SLC16A1: variants seen among roughly 807,000 people sequenced by gnomAD.
SLC16A1 encodes the protein monocarboxylate transporter 1.
A neutral mutation model predicts 32.2 loss-of-function variants in SLC16A1; 11 were observed. The ratio of observed to expected loss-of-function variants is 0.34; its 90% confidence interval spans 0.21 to 0.56. The LOEUF (loss-of-function observed/expected upper bound fraction) is 0.56. Ranked by LOEUF, SLC16A1 falls within the 20% of genes least tolerant of loss-of-function variation. The probability of loss-of-function intolerance (pLI) is 0.87; values close to 1 mark genes in which losing one functional copy is unlikely to be tolerated. For missense variants in SLC16A1, 435 were observed against 615.0 expected (o/e 0.71, Z 3.10); for synonymous variants, 231 against 226.8 (o/e 1.02, Z -0.17).
At chr1:112,945,691 A>G (rs1478436096) in intron 1 of SLC16A1, among the ~76,000 whole-genome samples, 1 of 145,742 alleles carries the variant, frequency 6.9e-6, no homozygotes, top group South Asian at 2.2e-4. Context: ...AAAAAAGAAA[A>G]AAAAAAATTA....
Position 112,917,715 on chromosome 1 carries a change from T to C in SLC16A1, c.691A>G (p.Thr231Ala), listed in dbSNP as rs1489652993. The change falls in exon 4 of 5, where the codon ACA becomes GCA. Residue 231 changes from threonine (T) to alanine (A), a missense_variant. Coordinates refer to ENST00000369626, the MANE Select transcript of SLC16A1 (RefSeq NM_003051.4). The surrounding 1 kb of genome is among the most constrained non-coding windows in gnomAD (Gnocchi z 4.1). Reference sequence around the variant, plus strand: ...TTAGGGTGTCTTCCAATAAGATCTGTATTTGCATCATGCAGATCTTTTTTC... The same window carrying C: ...TTAGGGTGTCTTCCAATAAGATCTGCATTTGCATCATGCAGATCTTTTTTC... ...GVKKDLHDAN[T>A]DLIGRHPKQE... 1 of 1,614,082 alleles carries C rather than the reference T, an allele frequency of 6.2e-7. No homozygotes were observed. The highest frequency in any genetic ancestry group is 1.3e-5 in the African/African-American group (1 of 74,946).
At position 112,928,045 on chromosome 1, in the gene SLC16A1, T is replaced by TA. The variant is rs1035044085; in HGVS notation, c.217+1046dup. ...TCCATTTTGATTTCTCTGAACTTAT[T>TA]AAAAAAAAACACTACAATTAAGCAC... On this transcript the variant is annotated intron_variant, in intron 2 of 4. Transcript: ENST00000369626. Among the ~76,000 whole-genome samples the TA allele has an allele frequency of 7.8e-4, 118 of 150,992 alleles. 1 individual carries two copies. Among genetic ancestry groups the TA allele is most frequent in the East Asian group, 1.7e-3 (9 of 5,146 alleles).
Position 112,922,173 on chromosome 1 carries a change from G to A in SLC16A1, c.218-40C>T, listed in dbSNP as rs1277318748. On this transcript the variant is annotated intron_variant, in intron 2 of 4. Coordinates refer to ENST00000369626, the MANE Select transcript of SLC16A1 (RefSeq NM_003051.4). ...AAAATGTAGTAATATAAAGGAAACT[G>A]CTCCCTCACATCTACACAAGTATGA... 1.9e-6 allele frequency: 3 copies of A among 1,597,062 alleles called. No homozygotes were observed. The African/African-American group carries it at 4.0e-5, about 21-fold the overall frequency.
chr1:112,943,922 G>A (rs1193757575), intron 1 of SLC16A1, among the ~76,000 whole-genome samples: 1 of 151,992 alleles, frequency 6.6e-6, no homozygotes, highest in Non-Finnish European at 1.5e-5. Flanking sequence ...AAATCTGAGT[G>A]CCTGGAGTAA....
chr1:112,954,658 C>A (rs900168800), intron 1 of SLC16A1, among the ~76,000 whole-genome samples: 3 of 152,172 alleles, frequency 2.0e-5, no homozygotes, highest in African/African-American at 7.2e-5. Flanking sequence ...CTATAAAAAT[C>A]TTACAAAATG....
intron 1 of SLC16A1, among the ~76,000 whole-genome samples, chr1:112,952,811 A>G (rs575596203): frequency 8.3e-4 from 126 of 152,340 alleles, no homozygotes; most frequent in African/African-American, 2.9e-3. Context: ...TTTGTCTCCA[A>G]GCCTTACAAG....
At chr1:112,926,257 T>C (rs1280618020) in intron 2 of SLC16A1, among the ~76,000 whole-genome samples, 2 of 152,230 alleles carry the variant, frequency 1.3e-5, no homozygotes, top group African/African-American at 2.4e-5. Context: ...TGATTATTCA[T>C]GTGTTTCATA....
chr1:112,917,466 G>T lies in SLC16A1; in HGVS notation c.940C>A (p.Pro314Thr). ...ILAFVDMVAR[P>T]SMGLVANTKP... ...GTGTTGGCTACAAGTCCCATAGATG[G>T]TCGGGCTACCATGTCAACAAAAGCC... Residue 314 changes from proline to threonine, a missense_variant, in exon 4 of 5, where the codon CCA becomes ACA. Transcript: ENST00000369626. This position sits in a 1 kb window ranked among gnomAD's most constrained non-coding sequence, Gnocchi z 4.1. 6.2e-7 allele frequency: 1 copy of T among 1,614,154 alleles called. No homozygotes were observed. The highest frequency in any genetic ancestry group is 8.5e-7 in the Non-Finnish European group (1 of 1,180,028).
chr1:112,943,390 CAAAG>C (rs1468444757), intron 1 of SLC16A1, among the ~76,000 whole-genome samples: 3 of 151,896 alleles, frequency 2.0e-5, no homozygotes, highest in Non-Finnish European at 4.4e-5. Context: ...TGTTAGCTAA[CAAAG>C]AAAGATTTGT....
chr1:112,923,719 C>G, intron 2 of SLC16A1: 1 of 1,537,252 alleles, frequency 6.5e-7, no homozygotes, highest in Non-Finnish European at 9.0e-7. Flanking sequence ...GTGGAAGAGA[C>G]ACTGAGTGCC....
intron 1 of SLC16A1, among the ~76,000 whole-genome samples, chr1:112,935,591 G>A (rs1649275065): frequency 1.3e-5 from 2 of 152,116 alleles, no homozygotes; most frequent in South Asian, 4.1e-4. Flanking sequence ...TATCTAATGG[G>A]ACTTTGGAAA....
intron 3 of SLC16A1, among the ~76,000 whole-genome samples, chr1:112,918,806 A>T (rs1371213582): frequency 1.3e-5 from 2 of 152,132 alleles, no homozygotes; most frequent in Non-Finnish European, 2.9e-5. Flanking sequence ...CTGTCTCAAA[A>T]ACCCAAAAAC....
At chr1:112,936,680 G>A (rs989815155) in intron 1 of SLC16A1, among the ~76,000 whole-genome samples, 1 of 151,986 alleles carries the variant, frequency 6.6e-6, no homozygotes, top group Non-Finnish European at 1.5e-5. Flanking sequence ...CATAAGAAAT[G>A]GGATGAATAA....
chr1:112,914,619 C>T (rs1557843017), intron 4 of SLC16A1, among the ~76,000 whole-genome samples: 1 of 152,212 alleles, frequency 6.6e-6, no homozygotes, highest in Non-Finnish European at 1.5e-5. Flanking sequence ...AAAGCAATAT[C>T]TTACACCCAT....
chr1:112,915,697 G>A (rs766339529), intron 4 of SLC16A1, among the ~76,000 whole-genome samples: 1 of 152,054 alleles, frequency 6.6e-6, no homozygotes, highest in South Asian at 2.1e-4. Context: ...AGTTGTGATG[G>A]AGAAAAATGG....
Position 112,917,719 on chromosome 1 carries a change from T to C in SLC16A1, c.687A>G (p.Ala229=). 1 of 1,614,196 alleles carries C rather than the reference T, an allele frequency of 6.2e-7. No homozygotes were observed. The highest frequency in any genetic ancestry group is 8.5e-7 in the Non-Finnish European group (1 of 1,180,012). Residue 229 remains alanine (A), a synonymous_variant, in exon 4 of 5, where the codon GCA becomes GCG. Coordinates refer to ENST00000369626, the MANE Select transcript of SLC16A1 (RefSeq NM_003051.4). The surrounding 1 kb of genome is among the most constrained non-coding windows in gnomAD (Gnocchi z 4.1). Reference sequence around the variant, plus strand: ...GGTGTCTTCCAATAAGATCTGTATTTGCATCATGCAGATCTTTTTTCACAC... The same window carrying C: ...GGTGTCTTCCAATAAGATCTGTATTCGCATCATGCAGATCTTTTTTCACAC... ...KSGVKKDLHD[A]NTDLIGRHPK...
At chr1:112,935,454 G>A (rs1478356269) in intron 1 of SLC16A1, among the ~76,000 whole-genome samples, 1 of 152,132 alleles carries the variant, frequency 6.6e-6, no homozygotes, top group Non-Finnish European at 1.5e-5. Context: ...TTAACTGGAA[G>A]ACTGGATGTA....
intron 1 of SLC16A1, among the ~76,000 whole-genome samples, chr1:112,932,435 A>T (rs1478645975): frequency 6.6e-6 from 1 of 152,058 alleles, no homozygotes; most frequent in African/African-American, 2.4e-5. Context: ...TGGGAAGCTG[A>T]GGTGGGAGGA....
Position 112,925,591 on chromosome 1 carries a change from T to A in SLC16A1, c.218-3458A>T, listed in dbSNP as rs572299973. On this transcript the variant is annotated intron_variant, in intron 2 of 4. Transcript: ENST00000369626. ...ACAGGGTTTTACCATGTTGCCCAGG[T>A]TGGTCTTGTAATCCCGGACTCAAGT... Among the ~76,000 whole-genome samples, 17 of 151,830 alleles carry A rather than the reference T, an allele frequency of 1.1e-4. No homozygotes were observed. In the South Asian group the frequency reaches 2.7e-3, roughly 24 times the overall value.
Sources: allele counts gnomAD v4.1 joint callset (sites outside exome capture counted in the v4.1 genomes callset), GRCh38; gene constraint gnomAD v4.1.1; non-coding constraint Gnocchi (gnomAD v3.1); transcripts MANE v1.5; gene names NCBI Gene and HGNC (gene_info 2026-07-23, HGNC 2026-07-21).